Variants in NCS1 observed in about 807,000 individuals in gnomAD.
NCS1 encodes frequenin homolog.
Under a neutral mutation model 28.4 loss-of-function variants are expected in NCS1, and 6 were observed. The ratio of observed to expected loss-of-function variants is 0.21; its 90% CI spans 0.12 to 0.42. The LOEUF is 0.42. Among genes scored for constraint, NCS1 ranks in the 10% least tolerant of loss-of-function variants. The probability of loss-of-function intolerance (pLI) is 1.00; values close to 1 mark genes in which losing one functional copy is unlikely to be tolerated. For synonymous variants in NCS1, 86 were observed against 99.3 expected (o/e 0.87, Z 0.79); for missense variants, 131 against 241.4 (o/e 0.54, Z 3.03).
Position 130,209,879 on chromosome 9 carries a change from C to T in NCS1, c.90-7953C>T, listed in dbSNP as rs1833088054. 6.6e-6 allele frequency among the ~76,000 whole-genome samples: 1 copy of T among 152,158 alleles called. No homozygotes were observed. Among genetic ancestry groups the T allele is most frequent in the African/African-American group, 2.4e-5 (1 of 41,422 alleles). Reference sequence around the variant, plus strand: ...CTCGGCTTCCCGTGGCTGGGGATCGCAGGCCCCGTTCTTCACAGCCTGGGC... The same window carrying T: ...CTCGGCTTCCCGTGGCTGGGGATCGTAGGCCCCGTTCTTCACAGCCTGGGC... On this transcript the variant is annotated intron_variant, in intron 2 of 7. Transcript: ENST00000372398. This position sits in a 1 kb window ranked among gnomAD's most constrained non-coding sequence, Gnocchi z 4.4.
At chr9:130,196,143 C>T (rs1554906800) in intron 1 of NCS1, among the ~76,000 whole-genome samples, 1 of 152,136 alleles carries the variant, frequency 6.6e-6, no homozygotes, top group Admixed American at 6.5e-5. Flanking sequence ...CCTGTCTTGG[C>T]GGGAACTGCT....
At chr9:130,200,360 C>G (rs754575108) in intron 1 of NCS1, 2 of 581,162 alleles carry the variant, frequency 3.4e-6, no homozygotes, top group Non-Finnish European at 6.1e-6. Flanking sequence ...CAGGCTCAGC[C>G]GCTCTCTGTA....
At chr9:130,189,779 A>T (rs1369510991) in intron 1 of NCS1, among the ~76,000 whole-genome samples, 1 of 146,864 alleles carries the variant, frequency 6.8e-6, no homozygotes, top group African/African-American at 2.6e-5. Flanking sequence ...TTGAACCCAG[A>T]AGGTGGAGGT....
rs560787406 is a variant in NCS1, at chr9:130,192,293, C to T, written c.65-8665C>T. Among the ~76,000 whole-genome samples the T allele has an allele frequency of 6.6e-6, 1 of 152,230 alleles. No individual in the cohort carries two copies. Among genetic ancestry groups the T allele is most frequent in the Admixed American group, 6.5e-5 (1 of 15,300 alleles). On this transcript the variant is annotated intron_variant, in intron 1 of 7. Coordinates refer to ENST00000372398, the MANE Select transcript of NCS1 (RefSeq NM_014286.4). The surrounding 1 kb of genome is among the most constrained non-coding windows in gnomAD (Gnocchi z 4.8). ...ACTCTGAGCTTGGAGGCAGTGCCGC[C>T]GAGCACTCCATTTTAGAGAAGAGGC...
rs1398366098 is a variant in NCS1, at chr9:130,186,082, TG to T, written c.64+13361del. On this transcript the variant is annotated intron_variant, in intron 1 of 7. Coordinates refer to ENST00000372398, the MANE Select transcript of NCS1 (RefSeq NM_014286.4). The surrounding 1 kb of genome is among the most constrained non-coding windows in gnomAD (Gnocchi z 4.1). Reference sequence around the variant, plus strand: ...AGCAGAGGGGAGGCCCTGGGTCCTGTGGGGGGCATGTGTGGCCAAACGGGTT... The same window carrying T: ...AGCAGAGGGGAGGCCCTGGGTCCTGTGGGGGCATGTGTGGCCAAACGGGTT... Among the ~76,000 whole-genome samples, 15 of 152,114 alleles carry T rather than the reference TG, an allele frequency of 9.9e-5. No individual in the cohort carries two copies. The highest frequency in any genetic ancestry group is 3.6e-4 in the African/African-American group (15 of 41,432).
intron 2 of NCS1, among the ~76,000 whole-genome samples, chr9:130,214,174 G>C (rs898964251): frequency 3.3e-5 from 5 of 152,220 alleles, no homozygotes; most frequent in African/African-American, 1.2e-4. Context: ...GCGTGGTACA[G>C]GCTCTGCTGG....
chr9:130,177,092 C>A lies in NCS1; in HGVS notation c.64+4365C>A, dbSNP rs1313562358. On this transcript the variant is annotated intron_variant, in intron 1 of 7. Coordinates refer to ENST00000372398, the MANE Select transcript of NCS1 (RefSeq NM_014286.4). This position sits in a 1 kb window ranked among gnomAD's most constrained non-coding sequence, Gnocchi z 4.4. ...GCCTGCCAACCTTGACTCTCCTCTG[C>A]CTTTTCCCTAATGCCCAGAATGGTG... Among the ~76,000 whole-genome samples the A allele has an allele frequency of 1.3e-5, 2 of 152,228 alleles. No homozygotes were observed. The highest frequency in any genetic ancestry group is 2.4e-5 in the African/African-American group (1 of 41,456).
At chr9:130,220,745 CTT>C (rs1225858416) in intron 4 of NCS1, among the ~76,000 whole-genome samples, 8 of 150,776 alleles carry the variant, frequency 5.3e-5, no homozygotes, top group African/African-American at 9.8e-5. Flanking sequence ...TTTTCTTTTT[CTT>C]TCTTTCTTTT....
Position 130,183,019 on chromosome 9 carries a change from G to C in NCS1, c.64+10292G>C, listed in dbSNP as rs981676056. ...TTGGTGTCTGTGGGGTGTGTGGCCC[G>C]GGGTGTCCTCGCCTCTGCAGAAGGC... On this transcript the variant is annotated intron_variant, in intron 1 of 7. Coordinates refer to ENST00000372398, the MANE Select transcript of NCS1 (RefSeq NM_014286.4). 3.3e-5 allele frequency among the ~76,000 whole-genome samples: 5 copies of C among 152,192 alleles called. No individual in the cohort carries two copies. In the South Asian group the frequency reaches 8.3e-4, roughly 25 times the overall value.
chr9:130,206,403 CTTTTTTT>C (rs71387330), intron 2 of NCS1, among the ~76,000 whole-genome samples: 8 of 116,496 alleles, frequency 6.9e-5, no homozygotes, highest in Admixed American at 9.2e-5. Flanking sequence ...TTCTTTCTTT[CTTTTTTT>C]TTTTTTTTTT....
Position 130,219,580 on chromosome 9 carries a change from T to A in NCS1, c.229-145T>A. ...CCCTCTCCTTGCCTCTCGCCCCCCA[T>A]TCCTTCGAGCCTGCCCTCTCCACCT... On this transcript the variant is annotated intron_variant, in intron 3 of 7. Coordinates refer to ENST00000372398, the MANE Select transcript of NCS1 (RefSeq NM_014286.4). The surrounding 1 kb of genome is among the most constrained non-coding windows in gnomAD (Gnocchi z 5.7). The A allele has an allele frequency of 9.2e-5, 44 of 480,576 alleles. No individual in the cohort carries two copies. Among genetic ancestry groups the A allele is most frequent in the Middle Eastern group, 5.0e-4 (1 of 1,996 alleles). The allele number at this position is 480,576 out of a possible 1,614,324, so 29.8% of individuals were successfully genotyped here.
Position 130,234,659 on chromosome 9 carries a change from C to CT in NCS1, c.*1688dup, listed in dbSNP as rs1385821718. On this transcript the variant is annotated 3_prime_UTR_variant, in exon 8 of 8. Transcript: ENST00000372398. This position sits in a 1 kb window ranked among gnomAD's most constrained non-coding sequence, Gnocchi z 6.1. ...TGACCCCAGCAGCCCGAGGGACTGT[C>CT]TGAGTCACAGCACAGCCCCTATTGC... 3 of 152,344 alleles carry CT rather than the reference C, an allele frequency of 2.0e-5. No individual in the cohort carries two copies. The highest frequency in any genetic ancestry group is 7.2e-5 in the African/African-American group (3 of 41,562). The allele number at this position is 152,344 out of a possible 1,614,324, so 9.4% of individuals were successfully genotyped here.
chr9:130,182,943 G>T (rs1004614153), intron 1 of NCS1, among the ~76,000 whole-genome samples: 1 of 152,232 alleles, frequency 6.6e-6, no homozygotes, highest in Admixed American at 6.5e-5. Context: ...GTGGCCAAGG[G>T]GACCCCCGTG....
chr9:130,181,499 A>C lies in NCS1; in HGVS notation c.64+8772A>C. On this transcript the variant is annotated intron_variant, in intron 1 of 7. Transcript: ENST00000372398. This position sits in a 1 kb window ranked among gnomAD's most constrained non-coding sequence, Gnocchi z 5.0. The stretch of plus-strand genomic sequence containing the variant: ...GTGTTCCTCACCAATTCCACCCAGG[A>C]GCCCTGTGGGGGTCCCCTTTTTACA... Among the ~76,000 whole-genome samples, 2 of 135,212 alleles carry C rather than the reference A, an allele frequency of 1.5e-5. No individual in the cohort carries two copies. Among genetic ancestry groups the C allele is most frequent in the South Asian group, 4.4e-4 (2 of 4,532 alleles). 88.7% of individuals were successfully genotyped at this position (135,212 alleles called of 152,430 possible).
rs367954060 is a variant in NCS1, at chr9:130,213,655, G to A, written c.90-4177G>A. Among the ~76,000 whole-genome samples the A allele has an allele frequency of 7.3e-5, 11 of 151,516 alleles. No individual in the cohort carries two copies. The South Asian group carries it at 1.9e-3, about 26-fold the overall frequency. ...GGCTGGAGTGCAGTGGCGTGATCTCGGCTCACTGCAACCTCTGACTCCTGG... is the reference window on the plus strand; with the variant it reads ...GGCTGGAGTGCAGTGGCGTGATCTCAGCTCACTGCAACCTCTGACTCCTGG... On this transcript the variant is annotated intron_variant, in intron 2 of 7. Transcript: ENST00000372398.
At chr9:130,200,515 T>TC in intron 1 of NCS1, 1 of 1,527,034 alleles carries the variant, frequency 6.5e-7, no homozygotes, top group Non-Finnish European at 8.9e-7. Context: ...TCAGCCTAGC[T>TC]CCCCCCACCC....
intron 1 of NCS1, among the ~76,000 whole-genome samples, chr9:130,178,018 C>T (rs1247803051): frequency 1.3e-5 from 2 of 152,258 alleles, no homozygotes; most frequent in Middle Eastern, 3.4e-3. Flanking sequence ...TGAGGGGAAC[C>T]TTTATTTATT....
chr9:130,193,378 G>A (rs1329759854), intron 1 of NCS1, among the ~76,000 whole-genome samples: 1 of 152,086 alleles, frequency 6.6e-6, no homozygotes, highest in African/African-American at 2.4e-5. Context: ...AAAGTGGGAT[G>A]GGGTGGGGGC....
intron 2 of NCS1, among the ~76,000 whole-genome samples, chr9:130,216,487 G>C (rs372349020): frequency 6.6e-6 from 1 of 152,158 alleles, no homozygotes; most frequent in African/African-American, 2.4e-5. Context: ...AGGCCGAGGC[G>C]GGCAGATCTC....
Sources: gnomAD v4.1 joint callset for allele counts (sites outside exome capture counted in the v4.1 genomes callset) on GRCh38, gnomAD v4.1.1 for gene constraint, Gnocchi (gnomAD v3.1) non-coding constraint, MANE v1.5 for transcripts, NCBI Gene and HGNC (gene_info 2026-07-23, HGNC 2026-07-21) for gene names.